The following TCF4 variants were observed in gnomAD, a reference collection of about 807,000 sequenced individuals.
TCF4 encodes transcription factor 4, also known as SL3-3 enhancer factor 2.
Under a neutral mutation model 82.1 loss-of-function variants are expected in TCF4, and 3 were observed. The observed-to-expected ratio is 0.04, with a 90% CI of 0.02 to 0.09. The LOEUF is 0.09. Ranked by LOEUF, TCF4 falls within the 10% of genes least tolerant of loss-of-function variation. The pLI, the probability that TCF4 is intolerant of heterozygous loss-of-function variation, is 1.00. For synonymous variants in TCF4, 276 were observed against 309.6 expected (o/e 0.89, Z 1.14); for missense variants, 518 against 852.7 (o/e 0.61, Z 4.89).
At chr18:55,610,687 G>T (rs1053451797) in intron 2 of TCF4, among the ~76,000 whole-genome samples, 4 of 152,214 alleles carry the variant, frequency 2.6e-5, no homozygotes, top group African/African-American at 4.8e-5. Flanking sequence ...AAGATGGAAA[G>T]ATTACACCCA....
chr18:55,345,742 G>C (rs1411220135), intron 8 of TCF4, among the ~76,000 whole-genome samples: 3 of 152,054 alleles, frequency 2.0e-5, no homozygotes, highest in Admixed American at 6.6e-5. Flanking sequence ...AAAAAGGATA[G>C]AGCCCAGATG....
intron 3 of TCF4, among the ~76,000 whole-genome samples, chr18:55,466,716 T>A (rs2096030448): frequency 6.6e-6 from 1 of 152,178 alleles, no homozygotes; most frequent in Non-Finnish European, 1.5e-5. Flanking sequence ...ATATACATCT[T>A]CTGTCCACAG....
chr18:55,276,201 GA>G (rs971220437), intron 9 of TCF4, among the ~76,000 whole-genome samples: 3 of 152,070 alleles, frequency 2.0e-5, no homozygotes, highest in African/African-American at 7.2e-5. Flanking sequence ...AAAAATCTCA[GA>G]TTGAAAATGT....
chr18:55,571,056 C>T (rs150507945), intron 3 of TCF4, among the ~76,000 whole-genome samples: 1 of 152,150 alleles, frequency 6.6e-6, no homozygotes, highest in Non-Finnish European at 1.5e-5. Flanking sequence ...TGTAACTCTA[C>T]AAACCAACAA....
At chr18:55,404,289 C>T (rs1381812211) in intron 5 of TCF4, 1 of 156,888 alleles carries the variant, frequency 6.4e-6, no homozygotes, top group African/African-American at 2.4e-5. Flanking sequence ...TCATTTGTTT[C>T]TTTTTAAAGT....
intron 3 of TCF4, among the ~76,000 whole-genome samples, chr18:55,498,671 A>G (rs2145970005): frequency 6.6e-6 from 1 of 152,258 alleles, no homozygotes; most frequent in East Asian, 1.9e-4. Flanking sequence ...CATCAGAGAT[A>G]CAAGGACCTG....
At chr18:55,275,157 A>G (rs1356177566) in intron 10 of TCF4, among the ~76,000 whole-genome samples, 1 of 151,974 alleles carries the variant, frequency 6.6e-6, no homozygotes, top group Non-Finnish European at 1.5e-5. Flanking sequence ...TGGATACATC[A>G]CAACAGGCCA....
intron 8 of TCF4, among the ~76,000 whole-genome samples, chr18:55,336,835 T>G (rs1422530255): frequency 6.6e-6 from 1 of 152,090 alleles, no homozygotes; most frequent in Non-Finnish European, 1.5e-5. Flanking sequence ...TCATACGACA[T>G]CCATCAAACC....
chr18:55,274,497 G>A (rs553019168), intron 10 of TCF4, among the ~76,000 whole-genome samples: 116 of 152,230 alleles, frequency 7.6e-4, no homozygotes, highest in African/African-American at 2.6e-3. Flanking sequence ...TTGATTATTG[G>A]AGTAGGAGAT....
intron 3 of TCF4, among the ~76,000 whole-genome samples, chr18:55,570,015 A>C (rs1182105133): frequency 6.6e-6 from 1 of 152,174 alleles, no homozygotes; most frequent in African/African-American, 2.4e-5. Context: ...AACAAAATAC[A>C]GTTATAACAT....
chr18:55,222,448 A>T lies in TCF4; in HGVS notation c.*5587T>A, dbSNP rs936124356. On this transcript the variant is annotated 3_prime_UTR_variant, in exon 20 of 20. Transcript: ENST00000354452. The stretch of plus-strand genomic sequence containing the variant: ...CCAAAATCTTTGGAAATTTCATAAA[A>T]TTTAAATATCTGCAAACAGTCCAAC... 6.6e-6 allele frequency: 1 copy of T among 152,350 alleles called. No individual in the cohort carries two copies. The highest frequency in any genetic ancestry group is 1.5e-5 in the Non-Finnish European group (1 of 67,996). The allele number at this position is 152,350 out of a possible 1,614,324, so 9.4% of individuals were successfully genotyped here.
intron 5 of TCF4, among the ~76,000 whole-genome samples, chr18:55,417,763 C>T (rs564338590): frequency 6.6e-6 from 1 of 152,198 alleles, no homozygotes; most frequent in South Asian, 2.1e-4. Context: ...GCATTTATTA[C>T]ATTAAGGCAG....
In TCF4 at chr18:55,350,953, C is replaced by T. The variant is rs763742755; in HGVS notation, c.420G>A (p.Ser140=). 8.1e-6 allele frequency: 13 copies of T among 1,613,376 alleles called. No homozygotes were observed. The highest frequency in any genetic ancestry group is 6.7e-5 in the East Asian group (3 of 44,870). Residue 140 remains serine, a synonymous_variant, in exon 7 of 20, where the codon TCG becomes TCA. Coordinates refer to ENST00000354452, the MANE Select transcript of TCF4 (RefSeq NM_001083962.2). ...AGTACTGGGAACCAGGTTTGGTGGG[C>T]GAAAGGGTTCCTGGGTTGCCCATAT... ...DMDMGNPGTL[S]PTKPGSQYYQ... is the part of the protein sequence containing the mutation.
rs566509701 is a variant in TCF4, at chr18:55,488,338, A to G, written c.146-24201T>C. 2.6e-5 allele frequency among the ~76,000 whole-genome samples: 4 copies of G among 152,356 alleles called. No homozygotes were observed. In the South Asian group the frequency reaches 6.2e-4, roughly 24 times the overall value. The stretch of plus-strand genomic sequence containing the variant: ...CAAAGAGATGTATACATTTTAAAAC[A>G]TACCATAGCCTTCTGTAATATAGAA... On this transcript the variant is annotated intron_variant, in intron 3 of 19. Coordinates refer to ENST00000354452, the MANE Select transcript of TCF4 (RefSeq NM_001083962.2).
chr18:55,605,625 G>T (rs141897417), intron 2 of TCF4, among the ~76,000 whole-genome samples: 1 of 152,234 alleles, frequency 6.6e-6, no homozygotes, highest in African/African-American at 2.4e-5. Flanking sequence ...TAAAAAAGAC[G>T]GACTTGCATT....
At chr18:55,245,858 A>G (rs2052950423) in intron 15 of TCF4, among the ~76,000 whole-genome samples, 1 of 151,176 alleles carries the variant, frequency 6.6e-6, no homozygotes, top group African/African-American at 2.4e-5. Flanking sequence ...TCACTCTACC[A>G]GGATAAAAGG....
intron 8 of TCF4, among the ~76,000 whole-genome samples, chr18:55,341,269 G>A (rs933584895): frequency 3.9e-5 from 6 of 152,098 alleles, no homozygotes; most frequent in Non-Finnish European, 8.8e-5. Flanking sequence ...ATGTGTGACC[G>A]CAGACATGTT....
chr18:55,481,638 A>C (rs1239668580), intron 3 of TCF4, among the ~76,000 whole-genome samples: 3 of 152,220 alleles, frequency 2.0e-5, no homozygotes, highest in Non-Finnish European at 4.4e-5. Context: ...AAATTCAGGC[A>C]GTACTCCTCC....
At chr18:55,602,001 T>A (rs1007810017) in intron 2 of TCF4, among the ~76,000 whole-genome samples, 1 of 152,194 alleles carries the variant, frequency 6.6e-6, no homozygotes, top group Non-Finnish European at 1.5e-5. Context: ...TTTCTTTTTC[T>A]TTTTCTCACT....
Sources: gnomAD v4.1 joint callset for allele counts (sites outside exome capture counted in the v4.1 genomes callset) on GRCh38, gnomAD v4.1.1 for gene constraint, MANE v1.5 for transcripts, NCBI Gene and HGNC (gene_info 2026-07-23, HGNC 2026-07-21) for gene names.